Variants in PHLPP1 observed in about 807,000 individuals in gnomAD.
The protein encoded by PHLPP1 is PH domain and leucine rich repeat protein phosphatase 1, also known as PH domain leucine-rich repeat-containing protein phosphatase 1.
PHLPP1 carries 42 observed loss-of-function variants against 117.2 expected under a neutral mutation model. That is an observed-to-expected ratio of 0.36 (90% CI 0.28 to 0.46). The LOEUF (loss-of-function observed/expected upper bound fraction) is 0.46. Among genes scored for constraint, PHLPP1 ranks in the 20% least tolerant of loss-of-function variants. The pLI is 1.00. For synonymous variants in PHLPP1, 1,042 were observed against 970.7 expected (o/e 1.07, Z -1.37); for missense variants, 2,084 against 2,241.9 (o/e 0.93, Z 1.42).
intron 4 of PHLPP1, among the ~76,000 whole-genome samples, chr18:62,861,897 C>T (rs533326871): frequency 1.1e-4 from 17 of 152,280 alleles, no homozygotes; most frequent in African/African-American, 3.1e-4. Context: ...AATTCTTTAA[C>T]GGTAAGATCC....
At chr18:62,759,146 G>T (rs1912128738) in intron 1 of PHLPP1, among the ~76,000 whole-genome samples, 1 of 152,160 alleles carries the variant, frequency 6.6e-6, no homozygotes, top group South Asian at 2.1e-4. Flanking sequence ...ACTATGTGGT[G>T]GGATCCGTAT....
chr18:62,800,003 C>T (rs1367043356), intron 1 of PHLPP1, among the ~76,000 whole-genome samples: 2 of 152,006 alleles, frequency 1.3e-5, no homozygotes, highest in African/African-American at 2.4e-5. Flanking sequence ...TGTTATTAAC[C>T]CACACCCCAA....
intron 4 of PHLPP1, among the ~76,000 whole-genome samples, chr18:62,872,770 T>G (rs1175872098): frequency 1.3e-5 from 2 of 151,712 alleles, no homozygotes; most frequent in Admixed American, 6.6e-5. Flanking sequence ...GTGGATTATT[T>G]GAGGTCAGGA....
chr18:62,716,909 C>T lies in PHLPP1; in HGVS notation c.1226C>T (p.Thr409Met), dbSNP rs368493874. 239 of 1,532,508 alleles carry T rather than the reference C, an allele frequency of 1.6e-4. 1 individual carries two copies. The East Asian group carries it at 2.0e-3, about 13-fold the overall frequency. The allele number at this position is 1,532,508 out of a possible 1,614,324, so 94.9% of individuals were successfully genotyped here. A position where few individuals can be genotyped will look rare whatever the true frequency, so the allele number is the denominator to read the frequency against. Residue 409 changes from threonine (T) to methionine (M), a missense_variant, in exon 1 of 17, where the codon ACG becomes ATG. By Grantham distance (81) the Thr-to-Met change is moderately conservative (BLOSUM62 -1). This residue lies in a region of PHLPP1 where 719 missense variants were observed against 636.0 expected (regional missense o/e 1.13). Coordinates refer to ENST00000262719, the MANE Select transcript of PHLPP1 (RefSeq NM_194449.4). This position sits in a 1 kb window ranked among gnomAD's most constrained non-coding sequence, Gnocchi z 5.7. ...GCGCAGCCCCTCCCGCTTCCCCAGACGGCTTCCTCGCCTCAGCCGCAGCAG... is the reference window on the plus strand; with the variant it reads ...GCGCAGCCCCTCCCGCTTCCCCAGATGGCTTCCTCGCCTCAGCCGCAGCAG... ...HPAQPLPLPQ[T>M]ASSPQPQQKA...
chr18:62,857,812 C>A (rs1424377800), intron 3 of PHLPP1, among the ~76,000 whole-genome samples: 2 of 152,224 alleles, frequency 1.3e-5, no homozygotes, highest in African/African-American at 4.8e-5. Context: ...GAGACTGTGT[C>A]TGTCTTGTTT....
At chr18:62,764,163 C>CAAAAAAA (rs34939800) in intron 1 of PHLPP1, among the ~76,000 whole-genome samples, 5 of 79,188 alleles carry the variant, frequency 6.3e-5, no homozygotes, top group Non-Finnish European at 9.8e-5. Context: ...AACTCCATCT[C>CAAAAAAA]AAAAAAAAAA....
chr18:62,766,076 AATAT>A lies in PHLPP1; in HGVS notation c.1576+48841_1576+48844del, dbSNP rs60058262. 2.8e-3 allele frequency among the ~76,000 whole-genome samples: 60 copies of A among 21,662 alleles called. 12 individuals carry two copies. Among genetic ancestry groups the A allele is most frequent in the African/African-American group, 3.0e-3 (20 of 6,724 alleles). 14.2% of individuals were successfully genotyped at this position (21,662 alleles called of 152,430 possible). A position where few individuals can be genotyped will look rare whatever the true frequency, so the allele number is the denominator to read the frequency against. On this transcript the variant is annotated intron_variant, in intron 1 of 16. Transcript: ENST00000262719. Reference sequence around the variant, plus strand: ...ACTCCATCTCAAAAAAAAAAAAAAAAATATATATATATATATATATATATATAAA... The same window carrying A: ...ACTCCATCTCAAAAAAAAAAAAAAAAATATATATATATATATATATATAAA...
chr18:62,716,364 C>A lies in PHLPP1; in HGVS notation c.681C>A (p.Ala227=). The change falls in exon 1 of 17, where the codon GCC becomes GCA. Residue 227 remains alanine (A), a synonymous_variant. Transcript: ENST00000262719. The surrounding 1 kb of genome is among the most constrained non-coding windows in gnomAD (Gnocchi z 5.7). The stretch of plus-strand genomic sequence containing the variant: ...TGCTCTGCACACTGGACACCACGGC[C>A]GGCGAGGTGGCCGCCCGCCTGCTGC... ...RPVLCTLDTT[A]GEVAARLLQL... 6.7e-7 allele frequency: 1 copy of A among 1,488,496 alleles called. No individual in the cohort carries two copies. 92.2% of individuals were successfully genotyped at this position (1,488,496 alleles called of 1,614,324 possible). A position where few individuals can be genotyped will look rare whatever the true frequency, so the allele number is the denominator to read the frequency against.
At chr18:62,951,183 G>A (rs1202092289) in intron 12 of PHLPP1, among the ~76,000 whole-genome samples, 5 of 152,012 alleles carry the variant, frequency 3.3e-5, no homozygotes, top group Non-Finnish European at 7.4e-5. Flanking sequence ...GGGTTTCACT[G>A]TGTTAGCCAG....
At chr18:62,749,786 C>T (rs1287762096) in intron 1 of PHLPP1, among the ~76,000 whole-genome samples, 5 of 152,152 alleles carry the variant, frequency 3.3e-5, no homozygotes, top group African/African-American at 1.2e-4. Context: ...GAAGCCGAAG[C>T]GGGTGGGTCA....
chr18:62,914,814 AT>A, intron 8 of PHLPP1, 98 bp from the exon 9 acceptor site: 1 of 785,338 alleles, frequency 1.3e-6, no homozygotes, highest in Non-Finnish European at 2.1e-6. Flanking sequence ...GTACTTTGGT[AT>A]TTTATTTGAG....
intron 13 of PHLPP1, among the ~76,000 whole-genome samples, chr18:62,959,707 C>T (rs539737706): frequency 2.0e-5 from 3 of 152,230 alleles, no homozygotes; most frequent in African/African-American, 4.8e-5. Context: ...CAGAAAAGAA[C>T]GGTAGAATTT....
chr18:62,898,421 T>C (rs1916624393), intron 6 of PHLPP1, among the ~76,000 whole-genome samples: 1 of 152,190 alleles, frequency 6.6e-6, no homozygotes, highest in African/African-American at 2.4e-5. Context: ...ATCCCTTCCT[T>C]TTTCTTCTCA....
At chr18:62,732,091 C>T (rs1448215483) in intron 1 of PHLPP1, among the ~76,000 whole-genome samples, 3 of 152,184 alleles carry the variant, frequency 2.0e-5, no homozygotes, top group Admixed American at 6.5e-5. Context: ...TGGAAGATCT[C>T]GCTAAGATCA....
At chr18:62,870,410 G>A (rs1013314116) in intron 4 of PHLPP1, among the ~76,000 whole-genome samples, 16 of 152,114 alleles carry the variant, frequency 1.1e-4, no homozygotes, top group African/African-American at 3.4e-4. Context: ...AAGCATTAAC[G>A]TGGTTTTTAA....
chr18:62,803,069 A>G (rs1435388140), intron 1 of PHLPP1, among the ~76,000 whole-genome samples: 1 of 152,214 alleles, frequency 6.6e-6, no homozygotes, highest in African/African-American at 2.4e-5. Flanking sequence ...TTTATGCCTT[A>G]AAAGTCTTAA....
At chr18:62,763,624 A>G (rs1231248305) in intron 1 of PHLPP1, among the ~76,000 whole-genome samples, 1 of 152,064 alleles carries the variant, frequency 6.6e-6, no homozygotes, top group Non-Finnish European at 1.5e-5. Context: ...ACTCTTTCTC[A>G]GTCCCTCTTT....
intron 1 of PHLPP1, among the ~76,000 whole-genome samples, chr18:62,748,514 G>A (rs563355050): frequency 1.8e-3 from 276 of 152,270 alleles, no homozygotes; most frequent in African/African-American, 6.5e-3. Flanking sequence ...CCAAAGTGCT[G>A]GGATTACAGG....
chr18:62,923,168 G>T (rs1209778610), intron 10 of PHLPP1, among the ~76,000 whole-genome samples: 1 of 152,164 alleles, frequency 6.6e-6, no homozygotes, highest in African/African-American at 2.4e-5. Context: ...ACAGCCAGCT[G>T]CATTTTTGAA....
Sources: allele counts gnomAD v4.1 joint callset (sites outside exome capture counted in the v4.1 genomes callset), GRCh38; gene constraint gnomAD v4.1.1; regional missense constraint gnomAD v4.1.1; non-coding constraint Gnocchi (gnomAD v3.1); transcripts MANE v1.5; gene names NCBI Gene and HGNC (gene_info 2026-07-23, HGNC 2026-07-21).